Variants in TBXAS1 observed in about 807,000 individuals in gnomAD.
TBXAS1 encodes the protein thromboxane-A synthase.
Under a neutral mutation model 60.7 loss-of-function variants are expected in TBXAS1, and 48 were observed. That is an observed-to-expected ratio of 0.79 (90% CI 0.63 to 1.01). The LOEUF (loss-of-function observed/expected upper bound fraction) is 1.01, where lower values mean the gene tolerates loss of function less well. Among genes scored for constraint, TBXAS1 ranks in the 50% least tolerant of loss-of-function variants. The pLI is 0.00. For missense variants in TBXAS1, 685 were observed against 686.3 expected, an observed-to-expected ratio of 1.00 and a Z score of 0.02; for synonymous variants, 287 against 269.7, an observed-to-expected ratio of 1.06 and a Z score of -0.63.
At chr7:140,001,902 C>T (rs1171981246) in intron 9 of TBXAS1, among the ~76,000 whole-genome samples, 1 of 152,190 alleles carries the variant, frequency 6.6e-6, no homozygotes, top group African/African-American at 2.4e-5. Context: ...TCAGCCTGGA[C>T]ATTGTCGCTT....
chr7:139,824,733 G>T (rs1166711079), upstream of TBXAS1, among the ~76,000 whole-genome samples: 6 of 152,058 alleles, frequency 3.9e-5, no homozygotes, highest in Admixed American at 3.3e-4. Flanking sequence ...ATTAATTTGT[G>T]ACCAGAGTTT....
intron 3 of TBXAS1, among the ~76,000 whole-genome samples, chr7:139,906,663 G>A (rs1170987631): frequency 6.6e-6 from 1 of 152,102 alleles, no homozygotes; most frequent in Non-Finnish European, 1.5e-5. Context: ...AAATATTCTT[G>A]CTGAGACTTT....
At chr7:139,939,942 T>C (rs998949445) in intron 5 of TBXAS1, among the ~76,000 whole-genome samples, 2 of 152,128 alleles carry the variant, frequency 1.3e-5, no homozygotes, top group Non-Finnish European at 2.9e-5. Flanking sequence ...GTGAAACCAA[T>C]GTATGTCTGT....
At chr7:139,885,918 C>G (rs796979104) in intron 3 of TBXAS1, among the ~76,000 whole-genome samples, 7 of 152,332 alleles carry the variant, frequency 4.6e-5, no homozygotes, top group African/African-American at 1.7e-4. Context: ...ACCGCATACA[C>G]GTTTGAAATT....
chr7:139,858,229 T>C (rs1252407234), intron 1 of TBXAS1, among the ~76,000 whole-genome samples: 3 of 152,354 alleles, frequency 2.0e-5, no homozygotes, highest in African/African-American at 7.2e-5. Flanking sequence ...CCTGCTATGG[T>C]GCCACAACAT....
At chr7:139,921,762 C>A (rs1362977621) in intron 4 of TBXAS1, among the ~76,000 whole-genome samples, 1 of 152,172 alleles carries the variant, frequency 6.6e-6, no homozygotes, top group Non-Finnish European at 1.5e-5. Flanking sequence ...CAATCTATTC[C>A]TCTGTCAATA....
chr7:139,938,584 TGTAG>T (rs1471140506), intron 5 of TBXAS1, among the ~76,000 whole-genome samples: 2 of 152,136 alleles, frequency 1.3e-5, no homozygotes, highest in African/African-American at 2.4e-5. Flanking sequence ...CTCTAAACCA[TGTAG>T]ACTAGCTGCC....
rs1158010692 is a variant in TBXAS1 at position 139,911,286 on chromosome 7, T to C, written c.298T>C (p.Leu100=). Residue 100 remains leucine, a synonymous_variant, in exon 4 of 13, where the codon TTG becomes CTG. Transcript: ENST00000448866. The part of the protein sequence containing the change: ...ISEPDMIKQV[L]VENFSNFTNR... ...TGAGCCAGACATGATCAAGCAGGTGTTGGTTGAGAACTTCAGTAACTTTAC... is the reference window on the plus strand; with the variant it reads ...TGAGCCAGACATGATCAAGCAGGTGCTGGTTGAGAACTTCAGTAACTTTAC... 1 of 1,614,180 alleles carries C rather than the reference T, an allele frequency of 6.2e-7. No individual in the cohort carries two copies. Among genetic ancestry groups the C allele is most frequent in the Non-Finnish European group, 8.5e-7 (1 of 1,180,032 alleles).
intron 1 of TBXAS1, among the ~76,000 whole-genome samples, chr7:139,779,394 C>A (rs532469121): frequency 6.6e-6 from 1 of 152,184 alleles, no homozygotes; most frequent in African/African-American, 2.4e-5. Flanking sequence ...CTTCCTATCC[C>A]TTCTCTTAAC....
At chr7:139,850,810 G>A (rs1800165604) in intron 1 of TBXAS1, among the ~76,000 whole-genome samples, 1 of 152,100 alleles carries the variant, frequency 6.6e-6, no homozygotes, top group Admixed American at 6.5e-5. Context: ...GGAGATTAGA[G>A]GGATGCATCT....
chr7:139,895,236 T>G (rs975808154), intron 3 of TBXAS1, among the ~76,000 whole-genome samples: 40 of 152,120 alleles, frequency 2.6e-4, no homozygotes, highest in African/African-American at 9.7e-4. Flanking sequence ...GGAATGGAAG[T>G]TGTGGCTGGA....
chr7:139,842,664 G>A (rs1210862392), intron 1 of TBXAS1, among the ~76,000 whole-genome samples: 1 of 152,228 alleles, frequency 6.6e-6, no homozygotes, highest in East Asian at 1.9e-4. Flanking sequence ...CAACTTCCTG[G>A]TGGATAGGGT....
chr7:139,882,323 G>C (rs938183696), intron 3 of TBXAS1, among the ~76,000 whole-genome samples: 2 of 152,162 alleles, frequency 1.3e-5, no homozygotes, highest in African/African-American at 4.8e-5. Context: ...GATAGGGTAG[G>C]GTGGAAACTA....
At chr7:139,874,282 T>C (rs1802049784) in intron 2 of TBXAS1, among the ~76,000 whole-genome samples, 1 of 152,048 alleles carries the variant, frequency 6.6e-6, no homozygotes, top group Non-Finnish European at 1.5e-5. Flanking sequence ...GAAAATGCAT[T>C]TCACACATTT....
chr7:139,850,105 T>C (rs1800107575), intron 1 of TBXAS1, among the ~76,000 whole-genome samples: 1 of 152,220 alleles, frequency 6.6e-6, no homozygotes, highest in Admixed American at 6.5e-5. Context: ...ACAAGGGCTA[T>C]TACACATCGT....
At chr7:139,784,279 T>G (rs1797112693) in intron 3 of TBXAS1, among the ~76,000 whole-genome samples, 2 of 151,920 alleles carry the variant, frequency 1.3e-5, no homozygotes, top group African/African-American at 4.8e-5. Flanking sequence ...TTCCTTTCTT[T>G]TTTTCCTGAG....
At chr7:139,980,567 G>A (rs1416730064) in intron 9 of TBXAS1, among the ~76,000 whole-genome samples, 2 of 152,030 alleles carry the variant, frequency 1.3e-5, no homozygotes, top group African/African-American at 4.8e-5. Flanking sequence ...GTCATTTTCA[G>A]AAAGTTAGGA....
intron 1 of TBXAS1, among the ~76,000 whole-genome samples, chr7:139,860,503 T>A (rs116148476): frequency 3.6e-4 from 55 of 152,332 alleles, no homozygotes; most frequent in African/African-American, 1.2e-3. Flanking sequence ...ATTTTGAAGA[T>A]GTGATTAAGT....
chr7:139,807,577 G>T (rs553941350), intron 4 of TBXAS1, among the ~76,000 whole-genome samples: 15 of 152,094 alleles, frequency 9.9e-5, no homozygotes, highest in Non-Finnish European at 1.8e-4. Flanking sequence ...TAGAGACAGG[G>T]TTTCACCATG....
Sources: allele counts gnomAD v4.1 joint callset (sites outside exome capture counted in the v4.1 genomes callset), GRCh38; gene constraint gnomAD v4.1.1; transcripts MANE v1.5; gene names NCBI Gene and HGNC (gene_info 2026-07-23, HGNC 2026-07-21).